KLF12: variants seen among roughly 807,000 people sequenced by gnomAD.
KLF12 encodes the protein Krueppel-like factor 12.
KLF12 carries 9 observed loss-of-function variants against 37.8 expected under a neutral mutation model. The observed-to-expected ratio is 0.24, with a 90% CI of 0.14 to 0.42. The LOEUF is 0.42. KLF12 is among the 10% of genes least tolerant of loss of function. The pLI is 1.00. For synonymous variants in KLF12, 208 were observed against 202.1 expected, an observed-to-expected ratio of 1.03 and a Z score of -0.25; for missense variants, 411 against 516.0, an observed-to-expected ratio of 0.80 and a Z score of 1.97.
intron 1 of KLF12, among the ~76,000 whole-genome samples, chr13:74,074,514 T>A (rs1169604562): frequency 6.6e-6 from 1 of 152,166 alleles, no homozygotes; most frequent in Non-Finnish European, 1.5e-5. Context: ...AGGTACCAGG[T>A]ACCATTCCAA....
chr13:73,835,551 A>G (rs1594148827), intron 4 of KLF12, among the ~76,000 whole-genome samples: 5 of 152,222 alleles, frequency 3.3e-5, no homozygotes, highest in Admixed American at 3.3e-4. Flanking sequence ...AGGTGTTAGA[A>G]CTGAGGGGGT....
chr13:74,054,601 A>G (rs1246902234), intron 1 of KLF12, among the ~76,000 whole-genome samples: 2 of 152,356 alleles, frequency 1.3e-5, no homozygotes, highest in East Asian at 3.9e-4. Context: ...GGCTTAATGC[A>G]GGAGCACATA....
At chr13:74,085,753 T>A (rs1167420182) in intron 1 of KLF12, among the ~76,000 whole-genome samples, 1 of 152,176 alleles carries the variant, frequency 6.6e-6, no homozygotes, top group Non-Finnish European at 1.5e-5. Flanking sequence ...AAGGTTCTGA[T>A]TTAGCCATCT....
rs1054025214 is a variant in KLF12, at chr13:73,690,887, A to G, written c.*4603T>C. ...TTTTTTAAAGATGCAGTATCCTTCT[A>G]TTTCATTTTCTTATGAAAATCTGGA... On this transcript the variant is annotated 3_prime_UTR_variant, in exon 8 of 8. Coordinates refer to ENST00000377669, the MANE Select transcript of KLF12 (RefSeq NM_007249.5). The G allele has an allele frequency of 6.6e-6, 1 of 152,588 alleles. No homozygotes were observed. Among genetic ancestry groups the G allele is most frequent in the African/African-American group, 2.4e-5 (1 of 41,450 alleles). The allele number at this position is 152,588 out of a possible 1,614,324, so 9.5% of individuals were successfully genotyped here.
At chr13:73,981,826 T>C (rs1891696581) in intron 2 of KLF12, among the ~76,000 whole-genome samples, 1 of 152,086 alleles carries the variant, frequency 6.6e-6, no homozygotes, top group Admixed American at 6.5e-5. Context: ...TGCTGGAGAG[T>C]TCATCTCGGA....
chr13:74,219,915 T>A, the KLF12 span, among the ~76,000 whole-genome samples: 5 of 151,700 alleles, frequency 3.3e-5, no homozygotes, highest in Admixed American at 3.3e-4. Flanking sequence ...TCTTTTCTTT[T>A]AAAACTTCTT....
intron 1 of KLF12, among the ~76,000 whole-genome samples, chr13:74,025,574 A>C (rs973536969): frequency 4.6e-5 from 7 of 152,108 alleles, no homozygotes; most frequent in Non-Finnish European, 7.4e-5. Context: ...AAAAAAAAAA[A>C]AAAGAAAATC....
intron 1 of KLF12, among the ~76,000 whole-genome samples, chr13:74,045,413 A>T (rs532105134): frequency 3.6e-4 from 55 of 152,252 alleles, no homozygotes; most frequent in Non-Finnish European, 3.8e-4. Context: ...CACACCTCAA[A>T]CTGCCAAGGT....
At chr13:74,188,104 A>G in the KLF12 span, among the ~76,000 whole-genome samples, 1 of 152,168 alleles carries the variant, frequency 6.6e-6, no homozygotes, top group Non-Finnish European at 1.5e-5. Flanking sequence ...CGGGGAGTCT[A>G]TTTAGAGTAA....
chr13:74,240,599 G>A, the KLF12 span, among the ~76,000 whole-genome samples: 2 of 76,498 alleles, frequency 2.6e-5, no homozygotes, highest in Admixed American at 1.6e-4. Context: ...CGTAGATTTG[G>A]TCTTTTCACA....
intron 4 of KLF12, among the ~76,000 whole-genome samples, chr13:73,818,762 G>A (rs1014708742): frequency 8.5e-5 from 13 of 152,268 alleles, no homozygotes; most frequent in Admixed American, 1.3e-4. Flanking sequence ...GGGCTGGAGA[G>A]GAGAGGGCCA....
chr13:74,199,460 T>G, the KLF12 span, among the ~76,000 whole-genome samples: 1 of 152,184 alleles, frequency 6.6e-6, no homozygotes, highest in Non-Finnish European at 1.5e-5. Context: ...TGCTGTACAC[T>G]CAATAAGTGG....
At chr13:73,785,334 G>C (rs1478568794) in intron 5 of KLF12, among the ~76,000 whole-genome samples, 2 of 151,932 alleles carry the variant, frequency 1.3e-5, no homozygotes, top group African/African-American at 4.8e-5. Flanking sequence ...GGCTGGTCTT[G>C]AACTTCTGGA....
At chr13:74,138,448 A>G (rs2139055506), upstream of KLF12, among the ~76,000 whole-genome samples, 1 of 152,346 alleles carries the variant, frequency 6.6e-6, no homozygotes, top group South Asian at 2.1e-4. Flanking sequence ...CAAGTATGAG[A>G]AAGTGAGAAA....
chr13:74,262,845 G>A, the KLF12 span, among the ~76,000 whole-genome samples: 8 of 151,734 alleles, frequency 5.3e-5, no homozygotes, highest in East Asian at 1.5e-3. Flanking sequence ...ATATATGTAT[G>A]TACACACATA....
the KLF12 span, among the ~76,000 whole-genome samples, chr13:74,196,477 A>AAG: frequency 2.0e-5 from 3 of 152,224 alleles, no homozygotes; most frequent in Non-Finnish European, 2.9e-5. Context: ...AGTGGGAAAG[A>AAG]AGATGGATTC....
chr13:73,918,162 C>A (rs567238013), intron 3 of KLF12, among the ~76,000 whole-genome samples: 9 of 152,108 alleles, frequency 5.9e-5, no homozygotes, highest in East Asian at 1.9e-4. Flanking sequence ...CCCACACTCA[C>A]AAAACTAAGT....
chr13:73,926,533 T>G (rs996421885), intron 3 of KLF12, among the ~76,000 whole-genome samples: 1 of 152,252 alleles, frequency 6.6e-6, no homozygotes, highest in East Asian at 1.9e-4. Context: ...ATTGCAATAT[T>G]TGCTTTATTG....
At chr13:73,844,151 T>A (rs1282809417) in intron 4 of KLF12, among the ~76,000 whole-genome samples, 8 of 152,300 alleles carry the variant, frequency 5.3e-5, no homozygotes. Context: ...AAGATTAGGT[T>A]CTATCATGTA....
Sources: allele counts gnomAD v4.1 joint callset (sites outside exome capture counted in the v4.1 genomes callset), GRCh38; gene constraint gnomAD v4.1.1; transcripts MANE v1.5; gene names NCBI Gene and HGNC (gene_info 2026-07-23, HGNC 2026-07-21).